THADA: variants seen among roughly 807,000 people sequenced by gnomAD.
The protein encoded by THADA is tRNA (32-2'-O)-methyltransferase regulator THADA.
THADA carries 213 observed loss-of-function variants against 219.8 expected under a neutral mutation model. That is an observed-to-expected ratio of 0.97 (90% CI 0.87 to 1.09). The LOEUF (loss-of-function observed/expected upper bound fraction) is 1.09, where lower values mean the gene tolerates loss of function less well. Among genes scored for constraint, THADA ranks in the 50% least tolerant of loss-of-function variants. The pLI is 0.00. For synonymous variants in THADA, 1,018 were observed against 828.9 expected (o/e 1.23, Z -3.92); for missense variants, 2,956 against 2,311.3 (o/e 1.28, Z -5.72).
At position 43,329,969 on chromosome 2, in the gene THADA, C is replaced by T. The variant is rs547645495; in HGVS notation, c.4344-9429G>A. On this transcript the variant is annotated intron_variant, in intron 30 of 37. Transcript: ENST00000405975. ...CACTTCCATTACTCACTATGCCCTCCCCTGGTCTCCTCTATTTCACACCTT... is the reference window on the plus strand; with the variant it reads ...CACTTCCATTACTCACTATGCCCTCTCCTGGTCTCCTCTATTTCACACCTT... Among the ~76,000 whole-genome samples, 283 of 152,312 alleles carry T rather than the reference C, an allele frequency of 1.9e-3. 1 individual carries two copies. The highest frequency in any genetic ancestry group is 3.6e-3 in the Non-Finnish European group (243 of 68,020).
intron 30 of THADA, chr2:43,343,893 C>A (rs1417030927): frequency 5.0e-6 from 2 of 400,542 alleles, no homozygotes; most frequent in Non-Finnish European, 4.6e-6. Context: ...GGTGGGCAGA[C>A]AAAAAGCCAT....
intron 11 of THADA, 26 bp downstream of exon 11, chr2:43,574,310 C>T: frequency 1.4e-6 from 2 of 1,472,552 alleles, no homozygotes; most frequent in Non-Finnish European, 1.8e-6. Flanking sequence ...TTAGAAACTA[C>T]TAAAACAAAA....
intron 29 of THADA, among the ~76,000 whole-genome samples, chr2:43,346,560 G>A (rs1667649965): frequency 6.6e-6 from 1 of 152,194 alleles, no homozygotes; most frequent in Admixed American, 6.5e-5. Flanking sequence ...ACTGAACCAA[G>A]CACAGAGAAA....
intron 35 of THADA, among the ~76,000 whole-genome samples, chr2:43,283,223 G>A (rs1316646715): frequency 6.6e-6 from 1 of 152,204 alleles, no homozygotes; most frequent in African/African-American, 2.4e-5. Context: ...TAAGCCCATG[G>A]AACTGTGAGC....
intron 28 of THADA, among the ~76,000 whole-genome samples, chr2:43,400,048 C>A (rs931783950): frequency 2.6e-5 from 4 of 152,178 alleles, no homozygotes; most frequent in Non-Finnish European, 4.4e-5. Context: ...ACCGAAAGGG[C>A]TCTTGTATAT....
At chr2:43,490,379 G>A (rs1014951381) in intron 25 of THADA, among the ~76,000 whole-genome samples, 4 of 152,138 alleles carry the variant, frequency 2.6e-5, no homozygotes, top group Admixed American at 2.6e-4. Flanking sequence ...TGTTGAATAG[G>A]AGTGACAAGA....
intron 36 of THADA, chr2:43,277,212 C>G (rs560229629): frequency 6.6e-6 from 1 of 152,658 alleles, no homozygotes; most frequent in South Asian, 2.1e-4. Flanking sequence ...TAAACCCTCT[C>G]TAGCTTCCCA....
intron 20 of THADA, among the ~76,000 whole-genome samples, chr2:43,544,630 T>C (rs953309599): frequency 6.6e-6 from 1 of 151,186 alleles, no homozygotes; most frequent in African/African-American, 2.4e-5. Context: ...TTATTCTCTT[T>C]GAAGCAATTG....
rs1313633007 is a variant in THADA, at chr2:43,549,316, A to C, written c.3000T>G (p.Thr1000=). The C allele has an allele frequency of 6.2e-7, 1 of 1,602,012 alleles. No homozygotes were observed. Among genetic ancestry groups the C allele is most frequent in the Admixed American group, 1.7e-5 (1 of 57,524 alleles). The change falls in exon 20 of 38, where the codon ACT becomes ACG. Residue 1000 remains threonine, a synonymous_variant. Transcript: ENST00000405975. The part of the protein sequence containing the change: ...MILNEIQPRD[T]NDYFNQAKIL... ...TTTTGGCTTGGTTAAAATAATCATT[A>C]GTATCTCGAGGCTGAATCTCATTCA...
intron 36 of THADA, among the ~76,000 whole-genome samples, chr2:43,252,364 T>C (rs772835852): frequency 9.8e-4 from 149 of 152,366 alleles, no homozygotes; most frequent in Non-Finnish European, 1.7e-3. Context: ...ATCAGTATCA[T>C]TGCGAACGTT....
intron 20 of THADA, among the ~76,000 whole-genome samples, chr2:43,541,953 T>G (rs1695380510): frequency 6.6e-6 from 1 of 152,196 alleles, no homozygotes; most frequent in Admixed American, 6.5e-5. Flanking sequence ...CTTATTTATT[T>G]TGGTGAGCAT....
At position 43,514,599 on chromosome 2, in the gene THADA, T is replaced by A. The variant is rs1278421838; in HGVS notation, c.3375-5819A>T. 8.0e-5 allele frequency among the ~76,000 whole-genome samples: 8 copies of A among 99,888 alleles called. No homozygotes were observed. In the South Asian group the frequency reaches 8.0e-4, roughly 10 times the overall value. 65.5% of individuals were successfully genotyped at this position (99,888 alleles called of 152,430 possible). On this transcript the variant is annotated intron_variant, in intron 22 of 37. Transcript: ENST00000405975. ...ATATGTATATTTTATATATGTATAT[T>A]TTATATATATTTTATATATTTTATA...
chr2:43,458,422 C>T (rs545630671), intron 26 of THADA, among the ~76,000 whole-genome samples: 18 of 152,274 alleles, frequency 1.2e-4, no homozygotes, highest in African/African-American at 4.1e-4. Flanking sequence ...CACCTAACTT[C>T]TGAGCCTCAG....
At chr2:43,412,796 A>G (rs1452757265) in intron 28 of THADA, among the ~76,000 whole-genome samples, 1 of 152,198 alleles carries the variant, frequency 6.6e-6, no homozygotes, top group Non-Finnish European at 1.5e-5. Context: ...ACCTCTGAGA[A>G]GGTCAGGGCT....
chr2:43,491,799 T>C (rs1687670140), intron 25 of THADA, among the ~76,000 whole-genome samples: 1 of 152,166 alleles, frequency 6.6e-6, no homozygotes, highest in South Asian at 2.1e-4. Flanking sequence ...CATTAAGTAA[T>C]GCATGACTTT....
intron 21 of THADA, among the ~76,000 whole-genome samples, chr2:43,537,234 T>C (rs891164956): frequency 6.6e-6 from 1 of 152,266 alleles, no homozygotes; most frequent in African/African-American, 2.4e-5. Flanking sequence ...CTTTGCTTTC[T>C]AGCAAATTCT....
intron 26 of THADA, among the ~76,000 whole-genome samples, chr2:43,473,111 T>C (rs1275205335): frequency 6.6e-6 from 1 of 152,240 alleles, no homozygotes; most frequent in African/African-American, 2.4e-5. Context: ...TTTCCTTCTA[T>C]AGTAAATTAA....
chr2:43,546,039 C>T (rs1429810437), intron 20 of THADA, among the ~76,000 whole-genome samples: 2 of 149,608 alleles, frequency 1.3e-5, no homozygotes, highest in African/African-American at 5.0e-5. Context: ...CTACACACTG[C>T]TTTGAATGTG....
Position 43,508,751 on chromosome 2 carries a change from G to C in THADA, c.3404C>G (p.Pro1135Arg), listed in dbSNP as rs755968207. 4 of 1,613,404 alleles carry C rather than the reference G, an allele frequency of 2.5e-6. No individual in the cohort carries two copies. Among genetic ancestry groups the C allele is most frequent in the African/African-American group, 1.3e-5 (1 of 74,870 alleles). ...RCPNVSLQKL[P>R]EQWLWSVLEE... ...TAAAACACTCCATAGCCACTGTTCT[G>C]GCAGCTTTTGCAGACTCACATTTGG... Residue 1135 changes from proline to arginine, a missense_variant, in exon 23 of 38, where the codon CCA (proline) becomes CGA (arginine). Physicochemically the swap from Pro to Arg is moderately radical, Grantham distance 103. Coordinates refer to ENST00000405975, the MANE Select transcript of THADA (RefSeq NM_022065.5).
Sources: allele counts gnomAD v4.1 joint callset (sites outside exome capture counted in the v4.1 genomes callset), GRCh38; gene constraint gnomAD v4.1.1; transcripts MANE v1.5; gene names NCBI Gene and HGNC (gene_info 2026-07-23, HGNC 2026-07-21).